The following VANGL1 variants were observed in gnomAD, a reference collection of about 807,000 sequenced individuals.
The protein encoded by VANGL1 is VANGL planar cell polarity protein 1.
VANGL1 carries 18 observed loss-of-function variants against 48.4 expected under a neutral mutation model. The observed-to-expected ratio is 0.37, with a 90% CI of 0.26 to 0.55. VANGL1 has a LOEUF of 0.55. Among genes scored for constraint, VANGL1 ranks in the 20% least tolerant of loss-of-function variants. The probability of loss-of-function intolerance (pLI) is 0.81; values close to 1 mark genes in which losing one functional copy is unlikely to be tolerated. For missense variants in VANGL1, 667 were observed against 675.8 expected (o/e 0.99, Z 0.14); for synonymous variants, 257 against 261.8 (o/e 0.98, Z 0.18).
intron 4 of VANGL1, among the ~76,000 whole-genome samples, chr1:115,679,523 C>G (rs1408607123): frequency 6.6e-6 from 1 of 152,136 alleles, no homozygotes; most frequent in East Asian, 1.9e-4. Flanking sequence ...GGCGGTGGGC[C>G]GGGAGCCCTG....
rs1553189431 is a variant in VANGL1 at position 115,681,503 on chromosome 1, G to GTTGTTTTTTTTTTTTTTTTTTTTTT, written c.813-859_813-858insGTTTTTTTTTTTTTTTTTTTTTTTT. 4.4e-5 allele frequency among the ~76,000 whole-genome samples: 5 copies of GTTGTTTTTTTTTTTTTTTTTTTTTT among 114,880 alleles called. 2 individuals carry two copies. Among genetic ancestry groups the GTTGTTTTTTTTTTTTTTTTTTTTTT allele is most frequent in the South Asian group, 6.1e-4 (2 of 3,300 alleles). 75.4% of individuals were successfully genotyped at this position (114,880 alleles called of 152,430 possible). On this transcript the variant is annotated intron_variant, in intron 4 of 7. Transcript: ENST00000355485. ...CAGCGGAGGCTCTCTTTTTTTTGTT[G>GTTGTTTTTTTTTTTTTTTTTTTTTT]TTTTTTTTGTTTTTTTTTTTGAGAC...
chr1:115,646,051 C>T (rs1353970154), intron 1 of VANGL1, among the ~76,000 whole-genome samples: 1 of 152,088 alleles, frequency 6.6e-6, no homozygotes, highest in African/African-American at 2.4e-5. Flanking sequence ...TTCCTTCATA[C>T]GATTTGCTAA....
intron 4 of VANGL1, among the ~76,000 whole-genome samples, chr1:115,679,386 C>T (rs897592967): frequency 6.6e-6 from 1 of 152,224 alleles, no homozygotes; most frequent in Non-Finnish European, 1.5e-5. Flanking sequence ...ACAGTACCCG[C>T]CCCCACCCTG....
At chr1:115,645,270 G>A (rs1196761151) in intron 1 of VANGL1, among the ~76,000 whole-genome samples, 1 of 152,108 alleles carries the variant, frequency 6.6e-6, no homozygotes, top group Non-Finnish European at 1.5e-5. Flanking sequence ...TGGTAGCAGA[G>A]ACCAGAAAAA....
intron 6 of VANGL1, among the ~76,000 whole-genome samples, chr1:115,684,320 A>G (rs1018040667): frequency 2.0e-5 from 3 of 151,732 alleles, no homozygotes; most frequent in African/African-American, 7.3e-5. Flanking sequence ...TGGTATTTTT[A>G]GTAGAGATGG....
chr1:115,685,647 A>T, intron 7 of VANGL1, 120 bp downstream of exon 7: 1 of 1,030,782 alleles, frequency 9.7e-7, no homozygotes, highest in Non-Finnish European at 1.5e-6. Flanking sequence ...AAACTCAAGT[A>T]ATAAGAATTA....
rs1387952067 is a variant in VANGL1 at position 115,694,145 on chromosome 1, G to A, written c.*2766G>A. 6.6e-6 allele frequency: 1 copy of A among 152,184 alleles called. No homozygotes were observed. The highest frequency in any genetic ancestry group is 1.5e-5 in the Non-Finnish European group (1 of 68,040). The allele number at this position is 152,184 out of a possible 1,614,324, so 9.4% of individuals were successfully genotyped here. The stretch of plus-strand genomic sequence containing the variant: ...AAAGTTCTGTATGCATTCTCAGAGA[G>A]GATTTTAAAGCTATATAGTTCATCC... On this transcript the variant is annotated 3_prime_UTR_variant, in exon 8 of 8. Coordinates refer to ENST00000355485, the MANE Select transcript of VANGL1 (RefSeq NM_138959.3).
chr1:115,678,817 G>T (rs991510808), intron 4 of VANGL1, among the ~76,000 whole-genome samples: 1 of 152,022 alleles, frequency 6.6e-6, no homozygotes, highest in African/African-American at 2.4e-5. Context: ...TTAGCTGGGC[G>T]TGGTGGCACG....
In VANGL1 at chr1:115,693,478, G is replaced by T. The variant is rs886045129; in HGVS notation, c.*2099G>T. ...GGTTAAGCTGGATTCATTTGCTCTG[G>T]CATGTGCATTCCCAGCAGGGTGAAG... On this transcript the variant is annotated 3_prime_UTR_variant, in exon 8 of 8. Coordinates refer to ENST00000355485, the MANE Select transcript of VANGL1 (RefSeq NM_138959.3). 74 of 152,646 alleles carry T rather than the reference G, an allele frequency of 4.8e-4. No individual in the cohort carries two copies. Among genetic ancestry groups the T allele is most frequent in the African/African-American group, 1.7e-3 (71 of 41,528 alleles). The allele number at this position is 152,646 out of a possible 1,614,324, so 9.5% of individuals were successfully genotyped here.
chr1:115,646,832 C>T (rs1651961027), intron 1 of VANGL1, among the ~76,000 whole-genome samples: 1 of 152,118 alleles, frequency 6.6e-6, no homozygotes, highest in Non-Finnish European at 1.5e-5. Context: ...GTACAGGGTA[C>T]TAGAGAAGAG....
intron 3 of VANGL1, 151 bp downstream of exon 3, chr1:115,659,924 G>C (rs1652485379): frequency 1.8e-6 from 2 of 1,133,280 alleles, no homozygotes. Flanking sequence ...GTTGGTCTAA[G>C]GACAGCCTGT....
At chr1:115,651,571 A>AG in intron 2 of VANGL1, 87 bp downstream of exon 2, 1 of 1,164,828 alleles carries the variant, frequency 8.6e-7, no homozygotes, top group Middle Eastern at 1.9e-4. Flanking sequence ...TCAGTGACTC[A>AG]GCGCTGGACA....
At chr1:115,669,628 G>A (rs1223894248) in intron 4 of VANGL1, among the ~76,000 whole-genome samples, 1 of 129,866 alleles carries the variant, frequency 7.7e-6, no homozygotes, top group Admixed American at 8.3e-5. Context: ...CATTTTCTTC[G>A]TTGTCTGTAA....
At chr1:115,663,247 G>A (rs570322470) in intron 3 of VANGL1, among the ~76,000 whole-genome samples, 36 of 152,268 alleles carry the variant, frequency 2.4e-4, no homozygotes, top group East Asian at 1.5e-3. Context: ...ATAACCCAGC[G>A]TGAATTGGAA....
rs777222583 is a variant in VANGL1 at position 115,651,380 on chromosome 1, C to T, written c.-34C>T. ...TTCTACCTCTAAGGAGAAACAGTAC[C>T]TGCTCCTTCCTCAAGCGCAAGCCCT... On this transcript the variant is annotated 5_prime_UTR_variant, in exon 2 of 8. Coordinates refer to ENST00000355485, the MANE Select transcript of VANGL1 (RefSeq NM_138959.3). 11 of 1,602,346 alleles carry T rather than the reference C, an allele frequency of 6.9e-6. No homozygotes were observed. The highest frequency in any genetic ancestry group is 1.3e-5 in the African/African-American group (1 of 74,638).
rs1454178968 is a variant in VANGL1, at chr1:115,663,646, T to C, written c.205-15T>C. ...GACCTGTGTCATGTCATCCTCACTGTCTTCTCCCCACCAGGATGACAACTG... is the reference window on the plus strand; with the variant it reads ...GACCTGTGTCATGTCATCCTCACTGCCTTCTCCCCACCAGGATGACAACTG... On this transcript the variant is annotated splice_polypyrimidine_tract_variant and intron_variant, in intron 3 of 7. Transcript: ENST00000355485. The C allele has an allele frequency of 6.2e-7, 1 of 1,614,136 alleles. No individual in the cohort carries two copies.
rs199542978 is a variant in VANGL1 at position 115,691,274 on chromosome 1, C to G, written c.1470C>G (p.Leu490=). 7.2e-5 allele frequency: 116 copies of G among 1,614,056 alleles called. No homozygotes were observed. In the Admixed American group the frequency reaches 1.9e-3, roughly 27 times the overall value. ...VFVLKCLDFS[L]VVNVKKIPFI... is the part of the protein sequence containing the mutation. ...TCCTTAAGTGCTTGGACTTCAGCCT[C>G]GTAGTCAATGTGAAGAAAATTCCAT... The change falls in exon 8 of 8, where the codon CTC becomes CTG. Residue 490 remains leucine (L), a synonymous_variant. Coordinates refer to ENST00000355485, the MANE Select transcript of VANGL1 (RefSeq NM_138959.3).
chr1:115,645,451 ATACC>A (rs1323609973), intron 1 of VANGL1, among the ~76,000 whole-genome samples: 3 of 152,332 alleles, frequency 2.0e-5, no homozygotes, highest in Admixed American at 6.5e-5. Flanking sequence ...ATCTCATTTA[ATACC>A]TACCACAGAT....
chr1:115,691,883 C>G lies in VANGL1; in HGVS notation c.*504C>G, dbSNP rs1334680881. ...GGGCAGTTCAGGAGATACCTGCCTT[C>G]ATCTTTGTTCTTTGTTGCCTTAGGT... On this transcript the variant is annotated 3_prime_UTR_variant, in exon 8 of 8. Coordinates refer to ENST00000355485, the MANE Select transcript of VANGL1 (RefSeq NM_138959.3). 6.4e-6 allele frequency: 1 copy of G among 155,396 alleles called. No homozygotes were observed. The highest frequency in any genetic ancestry group is 1.4e-5 in the Non-Finnish European group (1 of 69,860). 9.6% of individuals were successfully genotyped at this position (155,396 alleles called of 1,614,324 possible).
Sources: allele counts gnomAD v4.1 joint callset (sites outside exome capture counted in the v4.1 genomes callset), GRCh38; gene constraint gnomAD v4.1.1; transcripts MANE v1.5; gene names NCBI Gene and HGNC (gene_info 2026-07-23, HGNC 2026-07-21).